The following AKR7A2 variants were observed in gnomAD, a reference collection of about 807,000 sequenced individuals.
AKR7A2 encodes the protein aflatoxin B1 aldehyde reductase member 2.
Under a neutral mutation model 37.3 loss-of-function variants are expected in AKR7A2, and 29 were observed. The observed-to-expected ratio is 0.78, with a 90% confidence interval of 0.58 to 1.06. The LOEUF (loss-of-function observed/expected upper bound fraction) is 1.06. AKR7A2 is among the 50% of genes least tolerant of loss of function. AKR7A2 has a pLI of 0.00. For synonymous variants in AKR7A2, 228 were observed against 217.8 expected, an observed-to-expected ratio of 1.05 and a Z score of -0.41; for missense variants, 529 against 497.9, an observed-to-expected ratio of 1.06 and a Z score of -0.59.
intron 1 of AKR7A2, among the ~76,000 whole-genome samples, chr1:19,309,716 A>T (rs2093768812): frequency 2.0e-5 from 3 of 152,042 alleles, no homozygotes. Context: ...CTTGAGCCCA[A>T]GAGTTTGAGA....
chr1:19,304,108 C>A lies in AKR7A2; in HGVS notation c.*117G>T. The A allele has an allele frequency of 6.6e-7, 1 of 1,521,138 alleles. No individual in the cohort carries two copies. The highest frequency in any genetic ancestry group is 2.3e-5 in the East Asian group (1 of 44,052). 94.2% of individuals were successfully genotyped at this position (1,521,138 alleles called of 1,614,324 possible). A position where few individuals can be genotyped will look rare whatever the true frequency, so the allele number is the denominator to read the frequency against. Reference sequence around the variant, plus strand: ...AAGGCAGGAAGCTAGAAAAATAATGCATGGATCTAGACAATTCAGAAAAAC... The same window carrying A: ...AAGGCAGGAAGCTAGAAAAATAATGAATGGATCTAGACAATTCAGAAAAAC... On this transcript the variant is annotated 3_prime_UTR_variant, in exon 7 of 7. Transcript: ENST00000235835.
intron 6 of AKR7A2, among the ~76,000 whole-genome samples, chr1:19,304,681 A>G (rs2093758115): frequency 6.6e-6 from 1 of 152,192 alleles, no homozygotes; most frequent in Non-Finnish European, 1.5e-5. Flanking sequence ...CATGCCTGCA[A>G]TCCCAGCACT....
chr1:19,303,357 G>A (rs1380021302), downstream of AKR7A2, among the ~76,000 whole-genome samples: 4 of 152,192 alleles, frequency 2.6e-5, no homozygotes, highest in Admixed American at 6.5e-5. Flanking sequence ...GCTGCCTGCT[G>A]CCCTGCCCAT....
At chr1:19,308,397 G>C in intron 2 of AKR7A2, 58 bp downstream of exon 2, 6 of 1,601,258 alleles carry the variant, frequency 3.7e-6, no homozygotes, top group South Asian at 1.1e-5. Context: ...CTCATGAGTA[G>C]GATCAGGATA....
At chr1:19,308,995 C>T (rs984927934) in intron 1 of AKR7A2, among the ~76,000 whole-genome samples, 1 of 152,090 alleles carries the variant, frequency 6.6e-6, no homozygotes, top group Non-Finnish European at 1.5e-5. Context: ...GAAAGGCACA[C>T]GATGCCAAGG....
rs1558139253 is a variant in AKR7A2, at chr1:19,308,602, T to A, written c.339A>T (p.Ser113=). Residue 113 remains serine, a synonymous_variant, in exon 2 of 7, where the codon TCA becomes TCT. Coordinates refer to ENST00000235835, the MANE Select transcript of AKR7A2 (RefSeq NM_003689.4). ...ATKANPWDGK[S]LKPDSVRSQL... ...GGGACCGGACACTGTCAGGCTTTAG[T>A]GATTTTCCATCCCAAGGGTTGGCCT... 6.2e-7 allele frequency: 1 copy of A among 1,614,182 alleles called. No homozygotes were observed. Among genetic ancestry groups the A allele is most frequent in the Non-Finnish European group, 8.5e-7 (1 of 1,180,022 alleles).
Position 19,308,277 on chromosome 1 carries a change from C to T in AKR7A2, c.487-15G>A. 1.2e-6 allele frequency: 2 copies of T among 1,614,126 alleles called. No homozygotes were observed. Among genetic ancestry groups the T allele is most frequent in the Non-Finnish European group, 1.7e-6 (2 of 1,179,998 alleles). ...ACGAACTTGCCCTGCATGGGTGAGG[C>T]TCCAGTCAGAACGCAGTGTAGCCCA... On this transcript the variant is annotated splice_polypyrimidine_tract_variant and intron_variant, in intron 2 of 6. Coordinates refer to ENST00000235835, the MANE Select transcript of AKR7A2 (RefSeq NM_003689.4).
intron 1 of AKR7A2, among the ~76,000 whole-genome samples, chr1:19,310,162 AG>A (rs1216331453): frequency 6.6e-6 from 1 of 152,194 alleles, no homozygotes; most frequent in Non-Finnish European, 1.5e-5. Context: ...TACTTAGCAA[AG>A]TCAGCTCAGT....
At chr1:19,305,320 T>C (rs1239354680) in intron 6 of AKR7A2, 1 of 154,192 alleles carries the variant, frequency 6.5e-6, no homozygotes, top group African/African-American at 2.4e-5. Context: ...GATAAGTTTG[T>C]TGCTGTTATT....
intron 3 of AKR7A2, 87 bp downstream of exon 3, chr1:19,308,071 C>G (rs778619426): frequency 5.8e-5 from 89 of 1,542,136 alleles, no homozygotes; most frequent in Middle Eastern, 1.9e-4. Flanking sequence ...GCTATGCAGA[C>G]GGCACAGGGG....
chr1:19,305,038 AGGG>A (rs2093758691), intron 6 of AKR7A2: 1 of 161,368 alleles, frequency 6.2e-6, no homozygotes, highest in Admixed American at 5.7e-5. Flanking sequence ...TGTACACAAA[AGGG>A]GGTGGGAGGT....
chr1:19,307,087 CAG>C lies in AKR7A2; in HGVS notation c.701_702del (p.Thr234ArgfsTer6). Reference sequence around the variant, plus strand: ...TCCTTGTCCTCATACTTGTACTTGCCAGTCAGCAGGCCCCCTGCGGGAAGGCA... The same window carrying C: ...TCCTTGTCCTCATACTTGTACTTGCCTCAGCAGGCCCCCTGCGGGAAGGCA... Reference protein sequence around the residue: ...AYNPLAGGLLTGKYKYEDKDG... With the variant: ...AYNPLAGGLLXGKYKYEDKDG... On this transcript the variant is annotated frameshift_variant, in exon 5 of 7. Transcript: ENST00000235835. LOFTEE classifies it high-confidence loss of function. The C allele has an allele frequency of 6.2e-7, 1 of 1,614,272 alleles. No homozygotes were observed.
At position 19,304,128 on chromosome 1, in the gene AKR7A2, A is replaced by G; in HGVS notation, c.*97T>C. On this transcript the variant is annotated 3_prime_UTR_variant, in exon 7 of 7. Coordinates refer to ENST00000235835, the MANE Select transcript of AKR7A2 (RefSeq NM_003689.4). ...TAATGCATGGATCTAGACAATTCAG[A>G]AAAACCCTTCTAAGTCAGCTTAAGG... 1 of 1,590,900 alleles carries G rather than the reference A, an allele frequency of 6.3e-7. No homozygotes were observed. Among genetic ancestry groups the G allele is most frequent in the Non-Finnish European group, 8.6e-7 (1 of 1,159,492 alleles).
At position 19,312,081 on chromosome 1, in the gene AKR7A2, T is replaced by G. The variant is rs1291661020; in HGVS notation, c.44A>C (p.His15Pro). 5 of 1,343,784 alleles carry G rather than the reference T, an allele frequency of 3.7e-6. No individual in the cohort carries two copies. The African/African-American group carries it at 6.3e-5, about 17-fold the overall frequency. The allele number at this position is 1,343,784 out of a possible 1,614,324, so 83.2% of individuals were successfully genotyped here. ...ASRVVSRAAV[H>P]CALRSPPPEA... ...GGGCGGCGGAGAGCGAAGCGCGCAGTGGACGGCGGCGCGGGAGACTACGCG... is the reference window on the plus strand; with the variant it reads ...GGGCGGCGGAGAGCGAAGCGCGCAGGGGACGGCGGCGCGGGAGACTACGCG... The change falls in exon 1 of 7, where the codon CAC (histidine) becomes CCC (proline). Residue 15 changes from histidine (H) to proline (P), a missense_variant. Physicochemically the swap from His to Pro is moderately conservative, Grantham distance 77. Transcript: ENST00000235835.
At chr1:19,307,502 C>CA (rs1368592893) in intron 3 of AKR7A2, 92 bp from the exon 4 acceptor site, 1 of 1,322,312 alleles carries the variant, frequency 7.6e-7, no homozygotes, top group African/African-American at 1.5e-5. Flanking sequence ...AACACCGGCC[C>CA]AGGACTTCAG....
At chr1:19,310,763 G>A (rs1025570064) in intron 1 of AKR7A2, among the ~76,000 whole-genome samples, 2 of 112,466 alleles carry the variant, frequency 1.8e-5, no homozygotes, top group Admixed American at 9.9e-5. Context: ...TTTTCCCCCC[G>A]ACCCCCCAAG....
chr1:19,304,080 A>C lies in AKR7A2; in HGVS notation c.*145T>G. ...CTTTCACAGTGTAAAGTGAATAGGG[A>C]GCAAGGCAGGAAGCTAGAAAAATAA... On this transcript the variant is annotated 3_prime_UTR_variant, in exon 7 of 7. Coordinates refer to ENST00000235835, the MANE Select transcript of AKR7A2 (RefSeq NM_003689.4). The C allele has an allele frequency of 7.4e-7, 1 of 1,345,468 alleles. No homozygotes were observed. The highest frequency in any genetic ancestry group is 1.0e-6 in the Non-Finnish European group (1 of 955,576). 83.3% of individuals were successfully genotyped at this position (1,345,468 alleles called of 1,614,324 possible). A position where few individuals can be genotyped will look rare whatever the true frequency, so the allele number is the denominator to read the frequency against.
Position 19,312,008 on chromosome 1 carries a change from G to T in AKR7A2, c.117C>A (p.Ala39=). The change falls in exon 1 of 7, where the codon GCC becomes GCA. Residue 39 remains alanine (A), a synonymous_variant. Transcript: ENST00000235835. The part of the protein sequence containing the change: ...AMSRPPPPRV[A]SVLGTMEMGR... ...CCATCTCCATGGTGCCCAGCACCGA[G>T]GCGACCCGCGGTGGCGGTGGCCGGG... 6.8e-7 allele frequency: 1 copy of T among 1,473,268 alleles called. No homozygotes were observed. 91.3% of individuals were successfully genotyped at this position (1,473,268 alleles called of 1,614,324 possible).
In AKR7A2 at chr1:19,308,141, G is replaced by A. The variant is rs1384473079; in HGVS notation, c.591+17C>T. On this transcript the variant is annotated intron_variant, in intron 3 of 6. Coordinates refer to ENST00000235835, the MANE Select transcript of AKR7A2 (RefSeq NM_003689.4). ...AGGAGTCCTGGAGACCTTGGCCTCTGCAGCCCCGGCCCTCACCTGGTACAC... is the reference window on the plus strand; with the variant it reads ...AGGAGTCCTGGAGACCTTGGCCTCTACAGCCCCGGCCCTCACCTGGTACAC... 2.5e-6 allele frequency: 4 copies of A among 1,613,798 alleles called. No individual in the cohort carries two copies. The highest frequency in any genetic ancestry group is 3.4e-6 in the Non-Finnish European group (4 of 1,179,836).
Sources: allele counts gnomAD v4.1 joint callset (sites outside exome capture counted in the v4.1 genomes callset), GRCh38; gene constraint gnomAD v4.1.1; transcripts MANE v1.5; gene names NCBI Gene and HGNC (gene_info 2026-07-23, HGNC 2026-07-21).